PCDHA10: variants seen among roughly 807,000 people sequenced by gnomAD.
PCDHA10 encodes protocadherin alpha 10, also known as protocadherin alpha-10.
In PCDHA10, 45 loss-of-function variants were observed where a neutral mutation model predicts 61.2. The ratio of observed to expected loss-of-function variants is 0.74; its 90% CI spans 0.58 to 0.94. The LOEUF is 0.94. PCDHA10 is among the 40% of genes least tolerant of loss of function. The pLI is 0.00. For missense variants in PCDHA10, 1,278 were observed against 1,236.2 expected, an observed-to-expected ratio of 1.03 and a Z score of -0.51; for synonymous variants, 602 against 548.8, an observed-to-expected ratio of 1.10 and a Z score of -1.35.
At chr5:140,993,616 C>A (rs1554253872) in intron 3 of PCDHA10, among the ~76,000 whole-genome samples, 2 of 151,688 alleles carry the variant, frequency 1.3e-5, no homozygotes, top group Admixed American at 6.6e-5. Context: ...TTGTTGGGAC[C>A]CTCTATATAT....
In PCDHA10 at chr5:141,009,750, T is replaced by C; in HGVS notation, c.2660T>C (p.Ile887Thr). Residue 887 changes from isoleucine (I) to threonine (T), a missense_variant, in exon 4 of 4, where the codon ATT becomes ACT. By Grantham distance (89) the Ile-to-Thr change is moderately conservative. Coordinates refer to ENST00000307360, the MANE Select transcript of PCDHA10 (RefSeq NM_018901.4). ...CCCGGTGAGTTGCCCGACAAATTCA[T>C]TATCCCAGGATCTCCTGCAATCATC... ...SGPGELPDKF[I>T]IPGSPAIISI... 1.2e-6 allele frequency: 2 copies of C among 1,614,130 alleles called. No individual in the cohort carries two copies. The highest frequency in any genetic ancestry group is 3.3e-5 in the Admixed American group (2 of 60,026).
intron 1 of PCDHA10, chr5:140,966,814 CCGG>C (rs2096057641): frequency 1.9e-6 from 3 of 1,552,444 alleles, no homozygotes; most frequent in Non-Finnish European, 2.6e-6. Flanking sequence ...ATCCACGGCT[CCGG>C]CGGCCCATGC....
chr5:140,870,785 C>T, intron 1 of PCDHA10: 1 of 1,613,662 alleles, frequency 6.2e-7, no homozygotes, highest in East Asian at 2.2e-5. Context: ...AACGACAACG[C>T]GCCGGCACTG....
chr5:140,869,103 G>A, intron 1 of PCDHA10: 1 of 1,600,312 alleles, frequency 6.2e-7, no homozygotes, highest in Non-Finnish European at 8.5e-7. Context: ...TTTCGTATGC[G>A]ATGTTTGGTT....
chr5:140,982,992 A>G (rs1413932820), intron 3 of PCDHA10, among the ~76,000 whole-genome samples: 1 of 151,958 alleles, frequency 6.6e-6, no homozygotes, highest in African/African-American at 2.4e-5. Flanking sequence ...GAGAAAAAGA[A>G]GGAAAGAAAG....
At chr5:140,883,343 A>G in intron 1 of PCDHA10, 1 of 1,614,142 alleles carries the variant, frequency 6.2e-7, no homozygotes, top group Non-Finnish European at 8.5e-7. Context: ...GTCACTCCCC[A>G]TCAGAGAAGA....
chr5:140,999,812 G>A (rs1305602487), intron 3 of PCDHA10, among the ~76,000 whole-genome samples: 2 of 152,270 alleles, frequency 1.3e-5, no homozygotes, highest in East Asian at 3.9e-4. Flanking sequence ...CACAAAGCAA[G>A]AGCTGTGGCT....
intron 1 of PCDHA10, chr5:140,930,420 A>G (rs996872425): frequency 1.3e-5 from 2 of 151,962 alleles, no homozygotes; most frequent in Non-Finnish European, 2.9e-5. Context: ...CAGGGGTCTC[A>G]CTATGTTGCC....
At chr5:140,983,882 A>G (rs1203287819) in intron 3 of PCDHA10, among the ~76,000 whole-genome samples, 2 of 152,224 alleles carry the variant, frequency 1.3e-5, no homozygotes, top group East Asian at 3.8e-4. Flanking sequence ...TTTACTGGCA[A>G]CTTTAAGGGC....
intron 3 of PCDHA10, among the ~76,000 whole-genome samples, chr5:140,990,715 A>G (rs927680875): frequency 1.3e-5 from 2 of 152,194 alleles, no homozygotes; most frequent in Non-Finnish European, 2.9e-5. Context: ...GGATAAGAGC[A>G]TCACTAGGTA....
chr5:140,865,900 C>T (rs1012769998), intron 1 of PCDHA10: 18 of 152,230 alleles, frequency 1.2e-4, no homozygotes, highest in African/African-American at 3.8e-4. Context: ...TGTGTACAGG[C>T]AAATCTTTCT....
chr5:140,968,176 G>A, intron 1 of PCDHA10: 1 of 1,614,062 alleles, frequency 6.2e-7, no homozygotes, highest in Non-Finnish European at 8.5e-7. Flanking sequence ...CAAGCTTCCT[G>A]GAGGACTCCT....
Position 140,979,001 on chromosome 5 carries a change from T to C in PCDHA10, c.2441T>C (p.Met814Thr). ...WRYSASLRAG[M>T]HSSVHLEEAG... Reference sequence around the variant, plus strand: ...TACTCTGCCTCCCTGAGAGCAGGCATGCACAGGTATGTATTTCCCTCCTCA... The same window carrying C: ...TACTCTGCCTCCCTGAGAGCAGGCACGCACAGGTATGTATTTCCCTCCTCA... Residue 814 changes from methionine (M) to threonine (T), a missense_variant, in exon 2 of 4, where the codon ATG becomes ACG. By Grantham distance (81) the Met-to-Thr change is moderately conservative (BLOSUM62 -1). Transcript: ENST00000307360. 6.2e-7 allele frequency: 1 copy of C among 1,614,148 alleles called. No individual in the cohort carries two copies. Among genetic ancestry groups the C allele is most frequent in the Non-Finnish European group, 8.5e-7 (1 of 1,180,016 alleles).
chr5:140,899,541 T>C (rs1469690137), intron 1 of PCDHA10, among the ~76,000 whole-genome samples: 2 of 152,210 alleles, frequency 1.3e-5, no homozygotes, highest in South Asian at 2.1e-4. Context: ...CACTTGATCA[T>C]GGTGGATAAG....
intron 1 of PCDHA10, among the ~76,000 whole-genome samples, chr5:140,969,881 G>A (rs1554232131): frequency 6.6e-6 from 1 of 152,196 alleles, no homozygotes; most frequent in African/African-American, 2.4e-5. Context: ...CTATGTGATA[G>A]GATCCTCTGG....
chr5:140,963,454 T>G (rs1299471186), intron 1 of PCDHA10, among the ~76,000 whole-genome samples: 2 of 152,242 alleles, frequency 1.3e-5, no homozygotes, highest in African/African-American at 4.8e-5. Context: ...TGCTAAAGTA[T>G]TTCTGTGTTT....
intron 1 of PCDHA10, among the ~76,000 whole-genome samples, chr5:140,872,414 C>T (rs138959813): frequency 1.3e-5 from 2 of 152,128 alleles, no homozygotes; most frequent in East Asian, 1.9e-4. Context: ...ATTGCTTGAG[C>T]CCAAGAGTTC....
At position 140,856,102 on chromosome 5, in the gene PCDHA10, TCTC is replaced by T. The variant is rs782690525; in HGVS notation, c.58_60del (p.Leu20del). On this transcript the variant is annotated inframe_deletion, in exon 1 of 4. Coordinates refer to ENST00000307360, the MANE Select transcript of PCDHA10 (RefSeq NM_018901.4). Reference sequence around the variant, plus strand: ...TCCAGTGTCTGCTGCTCTCGCTTCTTCTCCTCGCAGCCTGGGAGGTGGGGAGCG... The same window carrying T: ...TCCAGTGTCTGCTGCTCTCGCTTCTTCTCGCAGCCTGGGAGGTGGGGAGCG... 5.6e-6 allele frequency: 9 copies of T among 1,597,726 alleles called. 1 individual carries two copies. The South Asian group carries it at 7.7e-5, about 14-fold the overall frequency.
chr5:140,928,597 A>G (rs1554206042), intron 1 of PCDHA10: 1 of 1,614,226 alleles, frequency 6.2e-7, no homozygotes, highest in East Asian at 2.2e-5. Context: ...CCCAGTGGAA[A>G]TTGTGCCCCG....
Sources: allele counts gnomAD v4.1 joint callset (sites outside exome capture counted in the v4.1 genomes callset), GRCh38; gene constraint gnomAD v4.1.1; transcripts MANE v1.5; gene names NCBI Gene and HGNC (gene_info 2026-07-23, HGNC 2026-07-21).